CCNL1: variants seen among roughly 807,000 people sequenced by gnomAD.
CCNL1 encodes cyclin L1.
A neutral mutation model predicts 60.6 loss-of-function variants in CCNL1; 13 were observed. The ratio of observed to expected loss-of-function variants is 0.21; its 90% CI spans 0.14 to 0.34. The LOEUF (loss-of-function observed/expected upper bound fraction) is 0.34. Among genes scored for constraint, CCNL1 ranks in the 10% least tolerant of loss-of-function variants. The pLI, the probability that CCNL1 is intolerant of heterozygous loss-of-function variation, is 1.00. For synonymous variants in CCNL1, 270 were observed against 244.3 expected (o/e 1.10, Z -0.98); for missense variants, 481 against 664.3 (o/e 0.72, Z 3.03).
intron 5 of CCNL1, 190 bp downstream of exon 5, chr3:157,151,987 A>G: frequency 7.1e-7 from 1 of 1,401,400 alleles, no homozygotes; most frequent in Non-Finnish European, 9.3e-7. Flanking sequence ...CATTAAAAGT[A>G]ATTAGTCAAG....
rs746694737 is a variant in CCNL1 at position 157,159,774 on chromosome 3, C to T, written c.303+18G>A. On this transcript the variant is annotated intron_variant, in intron 1 of 10. Transcript: ENST00000295926. The stretch of plus-strand genomic sequence containing the variant: ...AGAGGAGAGGAGCGCCCGGCCGGCC[C>T]GGGGCCGGAGCACTGACCTGCGGCA... The T allele has an allele frequency of 2.9e-5, 44 of 1,516,026 alleles. No homozygotes were observed. The African/African-American group carries it at 6.0e-4, about 21-fold the overall frequency. The allele number at this position is 1,516,026 out of a possible 1,614,324, so 93.9% of individuals were successfully genotyped here. A position where few individuals can be genotyped will look rare whatever the true frequency, so the allele number is the denominator to read the frequency against.
intron 4 of CCNL1, 185 bp from the exon 5 acceptor site, chr3:157,152,426 T>C (rs1738265265): frequency 1.6e-6 from 2 of 1,289,050 alleles, no homozygotes; most frequent in Non-Finnish European, 2.0e-6. Flanking sequence ...ATATAAATTA[T>C]GTTTAGAAGC....
chr3:157,156,150 G>C (rs1031348637), intron 3 of CCNL1, among the ~76,000 whole-genome samples: 1 of 152,174 alleles, frequency 6.6e-6, no homozygotes, highest in Non-Finnish European at 1.5e-5. Context: ...TTGGAACCAA[G>C]TCTTCAAGAG....
At position 157,150,285 on chromosome 3, in the gene CCNL1, A is replaced by T. The variant is rs1432932771; in HGVS notation, c.771T>A (p.Leu257=). 1.2e-6 allele frequency: 2 copies of T among 1,613,730 alleles called. No individual in the cohort carries two copies. The highest frequency in any genetic ancestry group is 1.7e-6 in the Non-Finnish European group (2 of 1,179,792). ...CACIYLAARA[L]QIPLPTRPHW... is the part of the protein sequence containing the mutation. ...AAAATGGGAAATATACACCTACCTGAAGTGCTCTAGCTGCAAGGTAGATGC... is the reference window on the plus strand; with the variant it reads ...AAAATGGGAAATATACACCTACCTGTAGTGCTCTAGCTGCAAGGTAGATGC... The change falls in exon 6 of 11, where the codon CTT becomes CTA. Residue 257 remains leucine, a synonymous_variant. Transcript: ENST00000295926.
intron 3 of CCNL1, chr3:157,153,445 G>C: frequency 3.3e-6 from 1 of 299,132 alleles, no homozygotes; most frequent in Non-Finnish European, 6.4e-6. Context: ...TATATTCTAG[G>C]TGTGTATATA....
chr3:157,153,239 C>A, intron 3 of CCNL1, 83 bp from the exon 4 acceptor site: 1 of 1,437,154 alleles, frequency 7.0e-7, no homozygotes, highest in Non-Finnish European at 9.5e-7. Flanking sequence ...TCCCTTCCAA[C>A]CAACTATTGG....
downstream of CCNL1, among the ~76,000 whole-genome samples, chr3:157,145,691 AAC>A (rs1420451339): frequency 7.9e-5 from 12 of 152,190 alleles, no homozygotes; most frequent in African/African-American, 2.4e-4. Flanking sequence ...GTTCTAAAAT[AAC>A]AGTCTGGGTG....
At chr3:157,158,359 T>C (rs1392377376) in intron 3 of CCNL1, among the ~76,000 whole-genome samples, 1 of 152,232 alleles carries the variant, frequency 6.6e-6, no homozygotes, top group Non-Finnish European at 1.5e-5. Context: ...TCAGATCCGG[T>C]ATTATTCGAT....
intron 10 of CCNL1, 49 bp from the exon 11 acceptor site, chr3:157,148,638 G>C (rs755542466): frequency 2.7e-6 from 4 of 1,481,232 alleles, no homozygotes; most frequent in Non-Finnish European, 3.6e-6. Context: ...ATGGGGAACA[G>C]ATTATTCCGG....
At chr3:157,152,301 T>C in intron 4 of CCNL1, 60 bp from the exon 5 acceptor site, 1 of 1,567,810 alleles carries the variant, frequency 6.4e-7, no homozygotes, top group African/African-American at 1.4e-5. Flanking sequence ...GGAGTAGAGT[T>C]CAATGAAAAA....
downstream of CCNL1, among the ~76,000 whole-genome samples, chr3:157,146,287 C>A (rs1303966388): frequency 1.3e-5 from 2 of 152,072 alleles, no homozygotes; most frequent in Non-Finnish European, 1.5e-5. Context: ...AGGTTAACAT[C>A]CTGACAACTT....
chr3:157,148,968 G>A (rs1405835974), intron 10 of CCNL1: 2 of 331,538 alleles, frequency 6.0e-6, no homozygotes, highest in African/African-American at 2.2e-5. Flanking sequence ...TATTAATAAG[G>A]GGTTAATGAA....
downstream of CCNL1, among the ~76,000 whole-genome samples, chr3:157,145,467 A>AAAAAAAAAAAC (rs1737756762): frequency 7.3e-6 from 1 of 136,206 alleles, no homozygotes; most frequent in Non-Finnish European, 1.5e-5. Flanking sequence ...AAAAAAAACC[A>AAAAAAAAAAAC]AAACGGGATT....
At chr3:157,152,685 T>C in intron 4 of CCNL1, 2 of 1,109,514 alleles carry the variant, frequency 1.8e-6, no homozygotes, top group South Asian at 2.4e-5. Context: ...CATTCTACTA[T>C]GATGATAAGT....
At chr3:157,158,782 TG>T in intron 3 of CCNL1, 83 bp downstream of exon 3, 1 of 850,018 alleles carries the variant, frequency 1.2e-6, no homozygotes, top group Non-Finnish European at 1.9e-6. Context: ...CGTATTCACT[TG>T]AAAGGAAAGA....
At chr3:157,152,311 A>C in intron 4 of CCNL1, 70 bp from the exon 5 acceptor site, 1 of 1,561,480 alleles carries the variant, frequency 6.4e-7, no homozygotes, top group Non-Finnish European at 8.6e-7. Flanking sequence ...TCAATGAAAA[A>C]AGTAATTGAA....
At chr3:157,152,386 C>A in intron 4 of CCNL1, 145 bp from the exon 5 acceptor site, 1 of 1,371,098 alleles carries the variant, frequency 7.3e-7, no homozygotes, top group Non-Finnish European at 9.4e-7. Context: ...ACATAAGATT[C>A]TAATGTGAAC....
intron 3 of CCNL1, among the ~76,000 whole-genome samples, chr3:157,154,927 C>T (rs1246929559): frequency 7.3e-6 from 1 of 137,304 alleles, no homozygotes; most frequent in Non-Finnish European, 1.5e-5. Context: ...TCTCTCTCTC[C>T]ATATATATAC....
At chr3:157,155,184 G>A (rs34046890) in intron 3 of CCNL1, among the ~76,000 whole-genome samples, 23,822 of 151,940 alleles carry the variant, frequency 0.16, 2,178 homozygotes, top group African/African-American at 0.24. Context: ...GACAGAAGAC[G>A]GTATCATCAA....
Sources: allele counts gnomAD v4.1 joint callset (sites outside exome capture counted in the v4.1 genomes callset), GRCh38; gene constraint gnomAD v4.1.1; transcripts MANE v1.5; gene names NCBI Gene and HGNC (gene_info 2026-07-23, HGNC 2026-07-21).